Variants in FRMD4A observed in about 807,000 individuals in gnomAD.
FRMD4A encodes the protein FERM domain containing 4A.
Under a neutral mutation model 129.1 loss-of-function variants are expected in FRMD4A, and 29 were observed. That is an observed-to-expected ratio of 0.22 (90% CI 0.17 to 0.31). The LOEUF (loss-of-function observed/expected upper bound fraction) is 0.31, where lower values mean the gene tolerates loss of function less well. FRMD4A is among the 10% of genes least tolerant of loss of function. The probability of loss-of-function intolerance (pLI) is 1.00; values close to 1 mark genes in which losing one functional copy is unlikely to be tolerated. For synonymous variants in FRMD4A, 634 were observed against 571.6 expected (o/e 1.11, Z -1.56); for missense variants, 1,272 against 1,375.8 (o/e 0.92, Z 1.19).
rs114322728 is a variant in FRMD4A at position 14,197,736 on chromosome 10, T to A, written c.45+132322A>T. 2.2e-3 allele frequency among the ~76,000 whole-genome samples: 330 copies of A among 152,376 alleles called. 1 individual carries two copies. Among genetic ancestry groups the A allele is most frequent in the African/African-American group, 7.2e-3 (300 of 41,598 alleles). On this transcript the variant is annotated intron_variant, in intron 2 of 24. Coordinates refer to ENST00000357447, the MANE Select transcript of FRMD4A (RefSeq NM_018027.5). ...ATTCAATTGTCTTGCATGTTCTACA[T>A]GCAAGCATACATGTAAACTTTGGCA...
intron 2 of FRMD4A, among the ~76,000 whole-genome samples, chr10:14,066,329 C>T (rs1009278395): frequency 2.0e-5 from 3 of 151,938 alleles, no homozygotes; most frequent in African/African-American, 7.3e-5. Flanking sequence ...GGGGGTGGTC[C>T]CTGTTGTCCA....
rs71388168 is a variant in FRMD4A at position 14,241,683 on chromosome 10, T to TAAAAAAAAAA, written c.45+88365_45+88374dup. ...GGAGAGGGATTTGTTTTACCCTCCC[T>TAAAAAAAAAA]AAAAAAAAAAAAAAAAAAAAAAAAA... On this transcript the variant is annotated intron_variant, in intron 2 of 24. Coordinates refer to ENST00000357447, the MANE Select transcript of FRMD4A (RefSeq NM_018027.5). Among the ~76,000 whole-genome samples the TAAAAAAAAAA allele has an allele frequency of 1.9e-3, 45 of 23,414 alleles. 4 individuals are homozygous for TAAAAAAAAAA. The highest frequency in any genetic ancestry group is 2.4e-3 in the Non-Finnish European group (32 of 13,612). 15.4% of individuals were successfully genotyped at this position (23,414 alleles called of 152,430 possible). A position where few individuals can be genotyped will look rare whatever the true frequency, so the allele number is the denominator to read the frequency against.
At chr10:14,272,381 G>A (rs1278946295) in intron 2 of FRMD4A, among the ~76,000 whole-genome samples, 2 of 152,162 alleles carry the variant, frequency 1.3e-5, no homozygotes, top group Non-Finnish European at 2.9e-5. Flanking sequence ...CGGTCATGGG[G>A]TGAGGGCTAT....
chr10:14,179,258 T>A (rs560387266), intron 2 of FRMD4A, among the ~76,000 whole-genome samples: 1 of 152,338 alleles, frequency 6.6e-6, no homozygotes, highest in South Asian at 2.1e-4. Flanking sequence ...GCCTGCTTCA[T>A]AAAGAGTTGA....
intron 2 of FRMD4A, among the ~76,000 whole-genome samples, chr10:14,097,417 C>A (rs1312405065): frequency 1.3e-5 from 2 of 152,086 alleles, no homozygotes; most frequent in Admixed American, 1.3e-4. Context: ...TGAGCACTAA[C>A]TACGTTCTAG....
chr10:14,298,980 A>G (rs1846098295), intron 2 of FRMD4A, among the ~76,000 whole-genome samples: 1 of 152,184 alleles, frequency 6.6e-6, no homozygotes, highest in Non-Finnish European at 1.5e-5. Flanking sequence ...GTGTTGGGGA[A>G]AAAGAGTTTG....
chr10:13,934,888 G>A (rs1469222151), intron 2 of FRMD4A, among the ~76,000 whole-genome samples: 6 of 152,092 alleles, frequency 3.9e-5, no homozygotes, highest in Non-Finnish European at 8.8e-5. Context: ...TAACAGTTCT[G>A]GGGGCTGGGA....
At chr10:14,200,847 G>C (rs139946895) in intron 2 of FRMD4A, among the ~76,000 whole-genome samples, 1 of 152,296 alleles carries the variant, frequency 6.6e-6, no homozygotes, top group Admixed American at 6.5e-5. Flanking sequence ...CTGCCGGTAG[G>C]GGGCGTGGGA....
chr10:13,859,494 T>G (rs535324780), intron 2 of FRMD4A, among the ~76,000 whole-genome samples: 1 of 152,344 alleles, frequency 6.6e-6, no homozygotes. Flanking sequence ...GAGCTTATAT[T>G]CTAATAAGGG....
chr10:13,651,676 A>T (rs975101000), intron 24 of FRMD4A: 2 of 542,342 alleles, frequency 3.7e-6, no homozygotes, highest in African/African-American at 3.8e-5. Context: ...CTGTCTCAAA[A>T]CAAAACATAC....
chr10:14,226,194 T>G lies in FRMD4A; in HGVS notation c.45+103864A>C, dbSNP rs114481620. ...GTAGGTGCACATGTGCCATGGTGGTTTGCTGCACCTGTCAACTCATCATCT... is the reference window on the plus strand; with the variant it reads ...GTAGGTGCACATGTGCCATGGTGGTGTGCTGCACCTGTCAACTCATCATCT... On this transcript the variant is annotated intron_variant, in intron 2 of 24. Transcript: ENST00000357447. 9.7e-3 allele frequency among the ~76,000 whole-genome samples: 1,481 copies of G among 152,242 alleles called. 29 individuals carry two copies. Among genetic ancestry groups the G allele is most frequent in the African/African-American group, 0.034 (1,426 of 41,538 alleles).
intron 3 of FRMD4A, among the ~76,000 whole-genome samples, chr10:13,847,385 G>C (rs1224546277): frequency 2.0e-5 from 3 of 152,204 alleles, no homozygotes; most frequent in African/African-American, 7.2e-5. Flanking sequence ...TGGGGTAGAA[G>C]ACTCAGAGAA....
At chr10:14,289,394 T>C (rs930853024) in intron 2 of FRMD4A, among the ~76,000 whole-genome samples, 1 of 152,188 alleles carries the variant, frequency 6.6e-6, no homozygotes, top group Non-Finnish European at 1.5e-5. Context: ...GAGCACATTT[T>C]CATATGCCTG....
intron 2 of FRMD4A, among the ~76,000 whole-genome samples, chr10:13,977,876 G>T (rs4748065): frequency 0.34 from 52,039 of 152,098 alleles, 9,286 homozygotes; most frequent in East Asian, 0.6. Flanking sequence ...AGACCATGTT[G>T]TGTTTATCCA....
At chr10:13,796,322 C>A (rs1402812501) in intron 5 of FRMD4A, among the ~76,000 whole-genome samples, 174 bp downstream of exon 5, 1 of 152,310 alleles carries the variant, frequency 6.6e-6, no homozygotes, top group Non-Finnish European at 1.5e-5. Context: ...GCACACCCTG[C>A]ACCCTCGCAC....
intron 2 of FRMD4A, among the ~76,000 whole-genome samples, chr10:14,270,639 G>C (rs1278705183): frequency 6.6e-6 from 1 of 152,194 alleles, no homozygotes; most frequent in Non-Finnish European, 1.5e-5. Flanking sequence ...CATGATAGGT[G>C]CCATTATGAC....
At chr10:14,139,450 A>AT (rs748923202) in intron 2 of FRMD4A, among the ~76,000 whole-genome samples, 33 of 95,284 alleles carry the variant, frequency 3.5e-4, no homozygotes, top group Admixed American at 1.2e-3. Context: ...TTTATTATTT[A>AT]TTTTTTTTAA....
rs987870569 is a variant in FRMD4A, at chr10:13,740,091, T to C, written c.672+103A>G. On this transcript the variant is annotated intron_variant, in intron 11 of 24. Coordinates refer to ENST00000357447, the MANE Select transcript of FRMD4A (RefSeq NM_018027.5). Reference sequence around the variant, plus strand: ...ACCAGCCTGGGAGACAAAGCAAGACTCTATCTCAAAAGAAAAAGAAAAAGA... The same window carrying C: ...ACCAGCCTGGGAGACAAAGCAAGACCCTATCTCAAAAGAAAAAGAAAAAGA... 5.2e-6 allele frequency: 4 copies of C among 775,842 alleles called. No homozygotes were observed. The Admixed American group carries it at 7.9e-5, about 15-fold the overall frequency. 48.1% of individuals were successfully genotyped at this position (775,842 alleles called of 1,614,324 possible).
chr10:13,772,291 T>C (rs2092480974), intron 6 of FRMD4A, among the ~76,000 whole-genome samples: 1 of 151,242 alleles, frequency 6.6e-6, no homozygotes, highest in Admixed American at 6.6e-5. Context: ...AGGTGAAATA[T>C]TAGATTCCTG....
Sources: allele counts gnomAD v4.1 joint callset (sites outside exome capture counted in the v4.1 genomes callset), GRCh38; gene constraint gnomAD v4.1.1; transcripts MANE v1.5; gene names NCBI Gene and HGNC (gene_info 2026-07-23, HGNC 2026-07-21).